Variants in TCF12 observed in about 807,000 individuals in gnomAD.
The protein encoded by TCF12 is DNA-binding protein HTF4.
TCF12 carries 45 observed loss-of-function variants against 86.0 expected under a neutral mutation model. The ratio of observed to expected loss-of-function variants is 0.52; its 90% CI spans 0.41 to 0.67. The LOEUF (loss-of-function observed/expected upper bound fraction) is 0.67. TCF12 is among the 30% of genes least tolerant of loss of function. The probability of loss-of-function intolerance (pLI) is 0.00; values close to 1 mark genes in which losing one functional copy is unlikely to be tolerated. For synonymous variants in TCF12, 330 were observed against 299.6 expected (o/e 1.10, Z -1.05); for missense variants, 881 against 859.9 (o/e 1.02, Z -0.31).
At chr15:57,235,726 C>G (rs1020813639) in intron 12 of TCF12, among the ~76,000 whole-genome samples, 1 of 152,134 alleles carries the variant, frequency 6.6e-6, no homozygotes, top group African/African-American at 2.4e-5. Context: ...GGACAAATAA[C>G]ATTTGAACTT....
At chr15:57,047,051 A>C (rs2067278172) in intron 3 of TCF12, among the ~76,000 whole-genome samples, 1 of 152,218 alleles carries the variant, frequency 6.6e-6, no homozygotes, top group Admixed American at 6.5e-5. Flanking sequence ...CTTTAGTTTG[A>C]AAGTTTTAAA....
intron 5 of TCF12, among the ~76,000 whole-genome samples, chr15:57,142,322 T>TAGAC (rs2053032933): frequency 6.6e-6 from 1 of 151,902 alleles, no homozygotes. Flanking sequence ...GATAGATAGA[T>TAGAC]AGATAGATAG....
At chr15:57,224,442 A>G (rs1314602062) in intron 8 of TCF12, among the ~76,000 whole-genome samples, 2 of 152,144 alleles carry the variant, frequency 1.3e-5, no homozygotes, top group African/African-American at 4.8e-5. Context: ...TGATTTTCCT[A>G]GAAAACCAGT....
chr15:57,196,603 C>T (rs1440774522), intron 7 of TCF12, among the ~76,000 whole-genome samples: 1 of 152,154 alleles, frequency 6.6e-6, no homozygotes, highest in African/African-American at 2.4e-5. Flanking sequence ...CTGTGTTTAT[C>T]ACTTTGTTTT....
At chr15:57,108,682 G>C (rs181982300) in intron 5 of TCF12, among the ~76,000 whole-genome samples, 2 of 151,842 alleles carry the variant, frequency 1.3e-5, no homozygotes, top group African/African-American at 4.8e-5. Context: ...ACATTGTTGG[G>C]GGGTAGGAGT....
At chr15:57,010,377 C>G (rs2064752392) in intron 3 of TCF12, among the ~76,000 whole-genome samples, 1 of 151,692 alleles carries the variant, frequency 6.6e-6, no homozygotes, top group Non-Finnish European at 1.5e-5. Flanking sequence ...CAGAAAAAGT[C>G]CAGAAAACAA....
At chr15:57,191,915 A>T (rs190870888) in intron 6 of TCF12, among the ~76,000 whole-genome samples, 1 of 151,998 alleles carries the variant, frequency 6.6e-6, no homozygotes, top group African/African-American at 2.4e-5. Context: ...GCCTGGGCAA[A>T]TAAGTGAGAC....
intron 15 of TCF12, 107 bp downstream of exon 15, chr15:57,252,599 ACAGTTGACTGTTT>A: frequency 1.1e-6 from 1 of 900,072 alleles, no homozygotes; most frequent in Non-Finnish European, 1.7e-6. Context: ...TAAAAATCAA[ACAGTTGACTGTTT>A]CAGTTTTTAT....
chr15:57,237,195 G>A (rs1176562675), intron 12 of TCF12, among the ~76,000 whole-genome samples: 9 of 151,700 alleles, frequency 5.9e-5, no homozygotes, highest in Admixed American at 6.6e-5. Flanking sequence ...GTATTAATCT[G>A]GATAAATGGT....
At chr15:57,045,772 C>G (rs2067193730) in intron 3 of TCF12, among the ~76,000 whole-genome samples, 1 of 152,132 alleles carries the variant, frequency 6.6e-6, no homozygotes, top group African/African-American at 2.4e-5. Flanking sequence ...TCTCAAACTG[C>G]TGGACCCAAG....
intron 6 of TCF12, among the ~76,000 whole-genome samples, chr15:57,186,875 CAATT>C (rs2151678933): frequency 6.6e-6 from 1 of 152,218 alleles, no homozygotes; most frequent in South Asian, 2.1e-4. Context: ...ATGATTGTCT[CAATT>C]GATGCCAAAA....
intron 13 of TCF12, chr15:57,247,692 C>T: frequency 1.3e-6 from 1 of 743,690 alleles, no homozygotes; most frequent in East Asian, 2.5e-5. Context: ...AGATGGGCAC[C>T]AGACTTTACA....
chr15:57,079,140 AT>A (rs2070398854), intron 4 of TCF12, among the ~76,000 whole-genome samples: 1 of 152,226 alleles, frequency 6.6e-6, no homozygotes, highest in Admixed American at 6.5e-5. Context: ...TTTTTAGGAA[AT>A]AACTGCTTTT....
chr15:56,925,063 A>C (rs371946131), intron 3 of TCF12, among the ~76,000 whole-genome samples: 1 of 152,052 alleles, frequency 6.6e-6, no homozygotes, highest in Non-Finnish European at 1.5e-5. Flanking sequence ...GCTGGGTGTG[A>C]TGGTGGGCAC....
At chr15:57,001,090 C>T (rs186980735) in intron 3 of TCF12, among the ~76,000 whole-genome samples, 11 of 146,922 alleles carry the variant, frequency 7.5e-5, no homozygotes, top group Admixed American at 6.2e-4. Flanking sequence ...GATCTCGGCT[C>T]ACTGCAACCT....
At chr15:57,199,655 T>C (rs531841179) in intron 8 of TCF12, among the ~76,000 whole-genome samples, 1 of 152,336 alleles carries the variant, frequency 6.6e-6, no homozygotes, top group South Asian at 2.1e-4. Context: ...AGTAGTTCTC[T>C]GTATTGTCTC....
intron 5 of TCF12, among the ~76,000 whole-genome samples, chr15:57,161,433 A>G (rs558030538): frequency 6.6e-6 from 1 of 152,326 alleles, no homozygotes; most frequent in Admixed American, 6.5e-5. Flanking sequence ...TTCTTGAGCA[A>G]TTTTTAGTTT....
At chr15:57,102,390 G>A (rs1232403999) in intron 5 of TCF12, among the ~76,000 whole-genome samples, 1 of 152,200 alleles carries the variant, frequency 6.6e-6, no homozygotes. Flanking sequence ...CTGAGGTCAG[G>A]AGTTCAAGAC....
chr15:57,225,677 G>T (rs2441927), intron 8 of TCF12, among the ~76,000 whole-genome samples: 207 of 152,126 alleles, frequency 1.4e-3, no homozygotes, highest in African/African-American at 4.9e-3. Flanking sequence ...AATTTTCTCT[G>T]ATATCTTCCT....
Sources: gnomAD v4.1 joint callset for allele counts (sites outside exome capture counted in the v4.1 genomes callset) on GRCh38, gnomAD v4.1.1 for gene constraint, MANE v1.5 for transcripts, NCBI Gene and HGNC (gene_info 2026-07-23, HGNC 2026-07-21) for gene names.